Variants in PEX7 observed in about 807,000 individuals in gnomAD.
PEX7 encodes the protein PTS2 receptor.
PEX7 carries 34 observed loss-of-function variants against 47.5 expected under a neutral mutation model. That is an observed-to-expected ratio of 0.72 (90% CI 0.54 to 0.95). The LOEUF is 0.95. Ranked by LOEUF, PEX7 falls within the 40% of genes least tolerant of loss-of-function variation. PEX7 has a pLI of 0.00. For synonymous variants in PEX7, 141 were observed against 148.8 expected (o/e 0.95, Z 0.38); for missense variants, 394 against 400.3 (o/e 0.98, Z 0.13).
At chr6:136,837,812 C>CCACACA (rs34680868) in intron 3 of PEX7, among the ~76,000 whole-genome samples, 2,109 of 146,780 alleles carry the variant, frequency 0.014, 26 homozygotes, top group Non-Finnish European at 0.02. Flanking sequence ...AATTTAAACG[C>CCACACA]CACACACACA....
intron 5 of PEX7, among the ~76,000 whole-genome samples, chr6:136,861,409 A>G (rs1774961726): frequency 6.6e-6 from 1 of 152,176 alleles, no homozygotes; most frequent in African/African-American, 2.4e-5. Context: ...GTCAGTTCAC[A>G]TACTCATATC....
At chr6:136,886,176 C>A (rs1775465577) in intron 8 of PEX7, among the ~76,000 whole-genome samples, 1 of 152,100 alleles carries the variant, frequency 6.6e-6, no homozygotes, top group Admixed American at 6.6e-5. Flanking sequence ...GCCCTCTGCT[C>A]CTTGGAGGTG....
chr6:136,823,003 G>A (rs867656609), intron 1 of PEX7: 23 of 985,462 alleles, frequency 2.3e-5, no homozygotes, highest in Non-Finnish European at 2.8e-5. Context: ...CGATCTTCCA[G>A]TTGTGTGCAA....
At chr6:136,849,555 T>A (rs1774697277) in intron 5 of PEX7, among the ~76,000 whole-genome samples, 1 of 152,216 alleles carries the variant, frequency 6.6e-6, no homozygotes, top group Non-Finnish European at 1.5e-5. Flanking sequence ...ATGTTGTGTC[T>A]TTGTTCTCAT....
At chr6:136,826,537 A>C in intron 3 of PEX7, 68 bp downstream of exon 3, 1 of 1,563,392 alleles carries the variant, frequency 6.4e-7, no homozygotes, top group Non-Finnish European at 8.8e-7. Flanking sequence ...CCATTTGGGG[A>C]TGGACACATG....
chr6:136,896,218 G>A (rs999033004), intron 8 of PEX7, among the ~76,000 whole-genome samples: 11 of 152,020 alleles, frequency 7.2e-5, no homozygotes, highest in Admixed American at 3.9e-4. Context: ...TTATCCTTAC[G>A]TTCTAAAAGA....
At chr6:136,866,560 G>A in intron 5 of PEX7, 67 bp from the exon 6 acceptor site, 1 of 1,301,534 alleles carries the variant, frequency 7.7e-7, no homozygotes, top group Non-Finnish European at 1.1e-6. Flanking sequence ...TTATTATTGT[G>A]AACACATTAT....
chr6:136,880,366 C>G (rs1296889862), intron 8 of PEX7, among the ~76,000 whole-genome samples: 1 of 152,058 alleles, frequency 6.6e-6, no homozygotes, highest in Admixed American at 6.6e-5. Context: ...GTAATCTAAT[C>G]TTTATTATGC....
At chr6:136,869,663 C>T (rs1001997824) in intron 6 of PEX7, among the ~76,000 whole-genome samples, 6 of 152,156 alleles carry the variant, frequency 3.9e-5, no homozygotes, top group Non-Finnish European at 8.8e-5. Flanking sequence ...AGTGTTCCAT[C>T]GTGTACATAA....
At chr6:136,823,104 C>A (rs1774114065) in intron 1 of PEX7, 1 of 985,260 alleles carries the variant, frequency 1.0e-6, no homozygotes, top group African/African-American at 1.7e-5. Flanking sequence ...CACACGTCCC[C>A]GTAGGGAGAG....
rs199844269 is a variant in PEX7, at chr6:136,899,064, GT to G, written c.903+833del. The stretch of plus-strand genomic sequence containing the variant: ...CTGAAATTTAAATAAATATGTAAGT[GT>G]TTTTTTTTTCTTTTCTTTTTTTTTT... On this transcript the variant is annotated intron_variant, in intron 9 of 9. Coordinates refer to ENST00000318471, the MANE Select transcript of PEX7 (RefSeq NM_000288.4). Among the ~76,000 whole-genome samples, 40 of 125,666 alleles carry G rather than the reference GT, an allele frequency of 3.2e-4. No homozygotes were observed. In the East Asian group the frequency reaches 4.7e-3, roughly 15 times the overall value. 82.4% of individuals were successfully genotyped at this position (125,666 alleles called of 152,430 possible).
intron 9 of PEX7, among the ~76,000 whole-genome samples, chr6:136,909,300 T>A (rs985106861): frequency 6.6e-6 from 1 of 151,998 alleles, no homozygotes; most frequent in Admixed American, 6.6e-5. Flanking sequence ...CTCTAAATAT[T>A]CCTGAAATTA....
intron 5 of PEX7, among the ~76,000 whole-genome samples, chr6:136,858,893 T>C (rs1294209332): frequency 6.6e-6 from 1 of 152,232 alleles, no homozygotes; most frequent in African/African-American, 2.4e-5. Context: ...GAGTGTTTAT[T>C]ATAAAACATA....
rs570266072 is a variant in PEX7 at position 136,903,318 on chromosome 6, A to T, written c.903+5077A>T. Reference sequence around the variant, plus strand: ...TGTATTTTTCAAAGTTTGGGTAAACAATCTTTTCTTTCTTTCTCTTTTTTT... The same window carrying T: ...TGTATTTTTCAAAGTTTGGGTAAACTATCTTTTCTTTCTTTCTCTTTTTTT... On this transcript the variant is annotated intron_variant, in intron 9 of 9. Coordinates refer to ENST00000318471, the MANE Select transcript of PEX7 (RefSeq NM_000288.4). 4.0e-5 allele frequency among the ~76,000 whole-genome samples: 6 copies of T among 148,818 alleles called. No homozygotes were observed. The East Asian group carries it at 9.8e-4, about 24-fold the overall frequency.
chr6:136,857,736 A>G (rs1774886985), intron 5 of PEX7, among the ~76,000 whole-genome samples: 1 of 152,340 alleles, frequency 6.6e-6, no homozygotes, highest in African/African-American at 2.4e-5. Flanking sequence ...TGGTATCCAC[A>G]TCATGGAGTT....
intron 5 of PEX7, among the ~76,000 whole-genome samples, chr6:136,859,894 G>A (rs932304457): frequency 1.3e-4 from 20 of 151,960 alleles, no homozygotes; most frequent in Admixed American, 7.2e-4. Context: ...GCATGATGGC[G>A]GGTGCCTGTA....
chr6:136,862,874 C>T (rs189400664), intron 5 of PEX7, among the ~76,000 whole-genome samples: 5 of 152,272 alleles, frequency 3.3e-5, no homozygotes, highest in African/African-American at 4.8e-5. Context: ...TATAGAATCA[C>T]TTGGTGAGAA....
At chr6:136,878,410 T>A (rs1437778054) in intron 8 of PEX7, among the ~76,000 whole-genome samples, 1 of 152,216 alleles carries the variant, frequency 6.6e-6, no homozygotes, top group Non-Finnish European at 1.5e-5. Context: ...GTTCCAGCTC[T>A]TGCCCATTCA....
At chr6:136,822,855 G>T (rs1022696255) in intron 1 of PEX7, 60 bp downstream of exon 1, 2 of 1,028,654 alleles carry the variant, frequency 1.9e-6, no homozygotes, top group Non-Finnish European at 1.2e-6. Context: ...GGCCAGCCGG[G>T]CTCCAGTTCC....
Sources: gnomAD v4.1 joint callset for allele counts (sites outside exome capture counted in the v4.1 genomes callset) on GRCh38, gnomAD v4.1.1 for gene constraint, MANE v1.5 for transcripts, NCBI Gene and HGNC (gene_info 2026-07-23, HGNC 2026-07-21) for gene names.